The following TBCK variants were observed in gnomAD, a reference collection of about 807,000 sequenced individuals.
TBCK encodes TBC domain-containing protein kinase-like protein.
TBCK carries 99 observed loss-of-function variants against 113.4 expected under a neutral mutation model. The observed-to-expected ratio is 0.87, with a 90% confidence interval of 0.74 to 1.03. TBCK has a LOEUF of 1.03. Among genes scored for constraint, TBCK ranks in the 50% least tolerant of loss-of-function variants. The pLI is 0.00. For missense variants in TBCK, 1,045 were observed against 1,061.3 expected (o/e 0.98, Z 0.21); for synonymous variants, 369 against 370.8 (o/e 1.00, Z 0.05).
intron 3 of TBCK, among the ~76,000 whole-genome samples, chr4:106,264,811 A>T (rs1463592497): frequency 6.6e-6 from 1 of 151,970 alleles, no homozygotes; most frequent in African/African-American, 2.4e-5. Flanking sequence ...ACATCTTGAG[A>T]AATTGTTTCA....
At chr4:106,172,773 T>C (rs577943537) in intron 22 of TBCK, among the ~76,000 whole-genome samples, 1 of 152,084 alleles carries the variant, frequency 6.6e-6, no homozygotes, top group African/African-American at 2.4e-5. Flanking sequence ...TGACCATCTA[T>C]TATGTGACAG....
At chr4:106,248,786 G>A (rs536937623) in intron 8 of TBCK, 135 bp downstream of exon 8, 8 of 655,596 alleles carry the variant, frequency 1.2e-5, no homozygotes, top group Admixed American at 3.5e-5. Flanking sequence ...ACGACCAAAC[G>A]TACTGGTGCC....
intron 20 of TBCK, among the ~76,000 whole-genome samples, chr4:106,199,000 A>G (rs922668493): frequency 6.6e-6 from 1 of 152,128 alleles, no homozygotes; most frequent in African/African-American, 2.4e-5. Context: ...TTAATTCAAT[A>G]TTTACTAAGT....
At chr4:106,180,892 T>C (rs1264181488) in intron 22 of TBCK, among the ~76,000 whole-genome samples, 1 of 152,216 alleles carries the variant, frequency 6.6e-6, no homozygotes, top group Non-Finnish European at 1.5e-5. Context: ...TTTGGGTATA[T>C]ACCCAGTAAT....
intron 3 of TBCK, among the ~76,000 whole-genome samples, chr4:106,271,614 T>C (rs1419483114): frequency 2.6e-5 from 4 of 151,586 alleles, no homozygotes; most frequent in Non-Finnish European, 5.9e-5. Context: ...TAGCCATGTG[T>C]GGTGGTGGGA....
chr4:106,263,102 C>A (rs1170133607), intron 3 of TBCK, among the ~76,000 whole-genome samples: 1 of 151,778 alleles, frequency 6.6e-6, no homozygotes, highest in Non-Finnish European at 1.5e-5. Flanking sequence ...ATTAATTATC[C>A]TCTAATGTTT....
intron 3 of TBCK, among the ~76,000 whole-genome samples, chr4:106,275,078 ATG>A (rs1763885467): frequency 6.6e-6 from 1 of 152,154 alleles, no homozygotes; most frequent in East Asian, 1.9e-4. Context: ...GCAGTGAGCT[ATG>A]ATCATACCTG....
intron 25 of TBCK, among the ~76,000 whole-genome samples, chr4:106,049,113 CACG>C (rs1734528767): frequency 6.6e-6 from 1 of 152,084 alleles, no homozygotes; most frequent in African/African-American, 2.4e-5. Context: ...GCAGTGAAAC[CACG>C]ACTGCATCTT....
intron 25 of TBCK, among the ~76,000 whole-genome samples, chr4:106,051,439 A>G (rs568343104): frequency 1.3e-5 from 2 of 152,044 alleles, no homozygotes; most frequent in South Asian, 4.1e-4. Flanking sequence ...TTTCCCTCCA[A>G]ATAATCCTAC....
intron 3 of TBCK, among the ~76,000 whole-genome samples, chr4:106,263,382 T>C (rs1364560769): frequency 6.6e-6 from 1 of 151,992 alleles, no homozygotes; most frequent in Non-Finnish European, 1.5e-5. Context: ...AATTAAAACA[T>C]AAGGATTGTC....
rs1579024629 is a variant in TBCK, at chr4:106,140,177, T to C, written c.2236-23799A>G. On this transcript the variant is annotated intron_variant, in intron 23 of 25. Coordinates refer to ENST00000394708, the MANE Select transcript of TBCK (RefSeq NM_001163435.3). Reference sequence around the variant, plus strand: ...AAAGGTAATCTAAGACAAGAAAAAGTATTTGATAAATGGAGTTATGGGCAA... The same window carrying C: ...AAAGGTAATCTAAGACAAGAAAAAGCATTTGATAAATGGAGTTATGGGCAA... Among the ~76,000 whole-genome samples, 2 of 141,152 alleles carry C rather than the reference T, an allele frequency of 1.4e-5. 1 individual carries two copies. Among genetic ancestry groups the C allele is most frequent in the Non-Finnish European group, 3.2e-5 (2 of 62,042 alleles). The allele number at this position is 141,152 out of a possible 152,430, so 92.6% of individuals were successfully genotyped here. A position where few individuals can be genotyped will look rare whatever the true frequency, so the allele number is the denominator to read the frequency against.
At chr4:106,190,736 CTTTT>C (rs995655576) in intron 22 of TBCK, among the ~76,000 whole-genome samples, 1 of 146,800 alleles carries the variant, frequency 6.8e-6, no homozygotes, top group South Asian at 2.2e-4. Context: ...AGAAGAAGAA[CTTTT>C]TTTTTTTTCT....
At chr4:106,217,681 A>C (rs1232445991) in intron 19 of TBCK, among the ~76,000 whole-genome samples, 1 of 150,622 alleles carries the variant, frequency 6.6e-6, no homozygotes, top group Non-Finnish European at 1.5e-5. Context: ...GGACCTCTTC[A>C]AGGAGAACTA....
intron 1 of TBCK, among the ~76,000 whole-genome samples, chr4:106,314,641 T>C (rs1322503985): frequency 5.0e-5 from 7 of 140,392 alleles, no homozygotes; most frequent in Admixed American, 3.1e-4. Flanking sequence ...TTTTTTTTTT[T>C]TGAGACAGAG....
At chr4:106,302,415 C>T (rs55844204) in intron 2 of TBCK, among the ~76,000 whole-genome samples, 1 of 152,140 alleles carries the variant, frequency 6.6e-6, no homozygotes, top group African/African-American at 2.4e-5. Flanking sequence ...GAAGAATACT[C>T]CCCAAAGAGA....
intron 23 of TBCK, among the ~76,000 whole-genome samples, chr4:106,134,710 T>C (rs762850168): frequency 5.9e-5 from 9 of 152,216 alleles, no homozygotes; most frequent in Non-Finnish European, 1.2e-4. Flanking sequence ...GATTTGGGCA[T>C]ACCTAAAATA....
chr4:106,080,279 C>T (rs1481666482), intron 25 of TBCK, among the ~76,000 whole-genome samples: 1 of 151,432 alleles, frequency 6.6e-6, no homozygotes, highest in African/African-American at 2.4e-5. Flanking sequence ...TCAAATTATA[C>T]TACAAGGCTA....
intron 10 of TBCK, 111 bp downstream of exon 10, chr4:106,247,028 C>T (rs1760892497): frequency 9.0e-7 from 1 of 1,111,934 alleles, no homozygotes; most frequent in Non-Finnish European, 1.3e-6. Context: ...CTCTTAATTC[C>T]CATGATCCCA....
At position 106,042,823 on chromosome 4, in the gene TBCK, A is replaced by C. The variant is rs1408804370; in HGVS notation, c.*3747T>G. On this transcript the variant is annotated 3_prime_UTR_variant, in exon 26 of 26. Coordinates refer to ENST00000394708, the MANE Select transcript of TBCK (RefSeq NM_001163435.3). ...CTGTTCTAAATCAGGAACTTACCCC[A>C]GACTTTCCACTGAACAACTCTGTCT... 6.6e-6 allele frequency: 1 copy of C among 150,768 alleles called. No individual in the cohort carries two copies. The highest frequency in any genetic ancestry group is 1.5e-5 in the Non-Finnish European group (1 of 67,274). 9.3% of individuals were successfully genotyped at this position (150,768 alleles called of 1,614,324 possible).
Sources: gnomAD v4.1 joint callset for allele counts (sites outside exome capture counted in the v4.1 genomes callset) on GRCh38, gnomAD v4.1.1 for gene constraint, MANE v1.5 for transcripts, NCBI Gene and HGNC (gene_info 2026-07-23, HGNC 2026-07-21) for gene names.